Variants in NPAS3 observed in about 807,000 individuals in gnomAD.
The protein encoded by NPAS3 is neuronal PAS domain-containing protein 3.
A neutral mutation model predicts 73.1 loss-of-function variants in NPAS3; 14 were observed. The observed-to-expected ratio is 0.19, with a 90% CI of 0.13 to 0.30. NPAS3 has a LOEUF of 0.30. Ranked by LOEUF, NPAS3 falls within the 10% of genes least tolerant of loss-of-function variation. The pLI, the probability that NPAS3 is intolerant of heterozygous loss-of-function variation, is 1.00. For synonymous variants in NPAS3, 620 were observed against 541.5 expected, an observed-to-expected ratio of 1.14 and a Z score of -2.01; for missense variants, 1,096 against 1,250.0, an observed-to-expected ratio of 0.88 and a Z score of 1.86.
intron 4 of NPAS3, among the ~76,000 whole-genome samples, chr14:33,372,907 C>T (rs1200628815): frequency 6.6e-6 from 1 of 152,174 alleles, no homozygotes; most frequent in Admixed American, 6.5e-5. Context: ...TGATTAAGCA[C>T]AAATGTGGTT....
intron 1 of NPAS3, among the ~76,000 whole-genome samples, chr14:33,013,597 CT>C (rs1385267964): frequency 6.6e-6 from 1 of 152,142 alleles, no homozygotes; most frequent in African/African-American, 2.4e-5. Flanking sequence ...TTTTATACAT[CT>C]ATACATTTAA....
intron 2 of NPAS3, among the ~76,000 whole-genome samples, chr14:33,141,482 A>T (rs1566603462): frequency 2.0e-5 from 3 of 152,238 alleles, no homozygotes. Flanking sequence ...TAAAGATGAA[A>T]ATAGATAATT....
rs578134094 is a variant in NPAS3, at chr14:33,538,760, C to T, written c.469-21361C>T. 5.3e-5 allele frequency among the ~76,000 whole-genome samples: 8 copies of T among 152,112 alleles called. No individual in the cohort carries two copies. The South Asian group carries it at 1.2e-3, about 24-fold the overall frequency. On this transcript the variant is annotated intron_variant, in intron 4 of 11. Coordinates refer to ENST00000356141, the Ensembl canonical transcript of NPAS3. ...ATTAAAATGAAAAGTTTTTGTTTTT[C>T]GGTAAGTTGAGAAAGCAGTTCCCCT...
rs184601811 is a variant in NPAS3 at position 33,572,301 on chromosome 14, A to T, written c.558+12091A>T. 0.014 allele frequency among the ~76,000 whole-genome samples: 2,062 copies of T among 152,220 alleles called. 114 individuals are homozygous for T. The East Asian group carries it at 0.2, about 14-fold the overall frequency. The stretch of plus-strand genomic sequence containing the variant: ...AATTAACAATAATTACATTTTTTTA[A>T]AAATTTAAAAGGCTTTAGAACAAGA... On this transcript the variant is annotated intron_variant, in intron 5 of 11. Transcript: ENST00000356141.
intron 3 of NPAS3, among the ~76,000 whole-genome samples, chr14:33,235,723 C>A (rs1168601837): frequency 6.6e-6 from 1 of 151,504 alleles, no homozygotes; most frequent in Non-Finnish European, 1.5e-5. Context: ...TCTTATCACT[C>A]TCAGAGACAC....
At chr14:33,119,321 A>G (rs2043159645) in intron 2 of NPAS3, among the ~76,000 whole-genome samples, 1 of 152,108 alleles carries the variant, frequency 6.6e-6, no homozygotes, top group Non-Finnish European at 1.5e-5. Flanking sequence ...TTTAGATCAA[A>G]TGATACGTAA....
intron 4 of NPAS3, among the ~76,000 whole-genome samples, chr14:33,521,290 C>A (rs1052286501): frequency 6.6e-6 from 1 of 152,066 alleles, no homozygotes; most frequent in African/African-American, 2.4e-5. Flanking sequence ...AGACAAAAGA[C>A]TGATGTCTCC....
chr14:33,664,493 G>T (rs903147763), intron 5 of NPAS3, among the ~76,000 whole-genome samples: 4 of 152,090 alleles, frequency 2.6e-5, no homozygotes, highest in Non-Finnish European at 5.9e-5. Flanking sequence ...CAAAAGCAAT[G>T]GCAACAAGAG....
intron 5 of NPAS3, among the ~76,000 whole-genome samples, chr14:33,569,130 C>T (rs1481457079): frequency 2.6e-5 from 4 of 152,196 alleles, no homozygotes; most frequent in Non-Finnish European, 5.9e-5. Context: ...TAAAGCAGCA[C>T]ACCAGGTTTT....
intron 5 of NPAS3, among the ~76,000 whole-genome samples, chr14:33,652,695 T>C (rs994017348): frequency 5.3e-5 from 8 of 152,142 alleles, no homozygotes; most frequent in Non-Finnish European, 7.4e-5. Context: ...ATATGCTGAG[T>C]TGCTTTTTTG....
chr14:33,248,072 G>A (rs1360115566), intron 3 of NPAS3, among the ~76,000 whole-genome samples: 1 of 152,202 alleles, frequency 6.6e-6, no homozygotes, highest in African/African-American at 2.4e-5. Flanking sequence ...GCTACAATGT[G>A]TGAAAAATGA....
At chr14:33,186,972 T>C (rs961863911) in intron 2 of NPAS3, among the ~76,000 whole-genome samples, 4 of 152,110 alleles carry the variant, frequency 2.6e-5, no homozygotes, top group Admixed American at 6.5e-5. Context: ...CACAACAGAG[T>C]TAAACAGCCT....
chr14:33,157,514 T>C (rs562882596), intron 2 of NPAS3, among the ~76,000 whole-genome samples: 9 of 152,304 alleles, frequency 5.9e-5, no homozygotes, highest in Non-Finnish European at 1.3e-4. Context: ...ATTTGTCTAG[T>C]GGTGAGGTAT....
intron 3 of NPAS3, among the ~76,000 whole-genome samples, chr14:33,266,204 G>A (rs113820063): frequency 5.3e-5 from 8 of 152,112 alleles, no homozygotes; most frequent in South Asian, 4.1e-4. Context: ...CAATGTAAAG[G>A]ATGAGTTTAA....
intron 4 of NPAS3, among the ~76,000 whole-genome samples, chr14:33,387,281 C>G (rs551579319): frequency 3.2e-4 from 49 of 152,278 alleles, no homozygotes; most frequent in Non-Finnish European, 6.0e-4. Flanking sequence ...TCCACAGAGG[C>G]AGCTTGGGTA....
intron 1 of NPAS3, among the ~76,000 whole-genome samples, chr14:33,004,456 A>AATGGT (rs1276154032): frequency 6.6e-6 from 1 of 152,092 alleles, no homozygotes; most frequent in Non-Finnish European, 1.5e-5. Flanking sequence ...AAAGAAGAGA[A>AATGGT]ATGGTACTCC....
chr14:33,026,575 G>T (rs886859956), intron 1 of NPAS3, among the ~76,000 whole-genome samples: 7 of 148,444 alleles, frequency 4.7e-5, no homozygotes, highest in African/African-American at 1.5e-4. Context: ...TGTTCTTCTT[G>T]CTGGTTTCTC....
At chr14:33,456,483 G>A (rs966330724) in intron 4 of NPAS3, among the ~76,000 whole-genome samples, 3 of 152,152 alleles carry the variant, frequency 2.0e-5, no homozygotes, top group African/African-American at 7.2e-5. Context: ...TGAGCATTTA[G>A]TGTTTTCATT....
At chr14:33,772,655 G>A (rs1366160666) in intron 7 of NPAS3, among the ~76,000 whole-genome samples, 3 of 152,200 alleles carry the variant, frequency 2.0e-5, no homozygotes, top group Non-Finnish European at 4.4e-5. Context: ...CTAGCTGGGA[G>A]GAGGACCAGC....
Sources: allele counts gnomAD v4.1 joint callset (sites outside exome capture counted in the v4.1 genomes callset), GRCh38; gene constraint gnomAD v4.1.1; transcripts MANE v1.5; gene names NCBI Gene and HGNC (gene_info 2026-07-23, HGNC 2026-07-21).